MGMT: variants seen among roughly 807,000 people sequenced by gnomAD.
MGMT encodes O-6-methylguanine-DNA methyltransferase, also known as methylated-DNA--protein-cysteine methyltransferase.
In MGMT, 14 loss-of-function variants were observed where a neutral mutation model predicts 15.9. The ratio of observed to expected loss-of-function variants is 0.88; its 90% confidence interval spans 0.58 to 1.37. The LOEUF (loss-of-function observed/expected upper bound fraction) is 1.37, where lower values mean the gene tolerates loss of function less well. Among genes scored for constraint, MGMT ranks in the 40% most tolerant of loss-of-function variants. The probability of loss-of-function intolerance (pLI) is 0.00; values close to 1 mark genes in which losing one functional copy is unlikely to be tolerated. For synonymous variants in MGMT, 130 were observed against 118.2 expected, an observed-to-expected ratio of 1.10 and a Z score of -0.65; for missense variants, 282 against 268.1, an observed-to-expected ratio of 1.05 and a Z score of -0.36.
chr10:129,514,310 A>G (rs1398171962), intron 1 of MGMT, among the ~76,000 whole-genome samples: 1 of 152,240 alleles, frequency 6.6e-6, no homozygotes, highest in African/African-American at 2.4e-5. Context: ...AATAATTCCT[A>G]TTTCCAAGGA....
chr10:129,663,314 TAAC>T (rs1469835763), intron 2 of MGMT, among the ~76,000 whole-genome samples: 1 of 152,158 alleles, frequency 6.6e-6, no homozygotes, highest in Non-Finnish European at 1.5e-5. Flanking sequence ...TGTAAAATAA[TAAC>T]TCTGTGTATC....
At chr10:129,664,837 A>G (rs1847639437) in intron 2 of MGMT, among the ~76,000 whole-genome samples, 1 of 152,228 alleles carries the variant, frequency 6.6e-6, no homozygotes, top group African/African-American at 2.4e-5. Flanking sequence ...GAAGATAAGC[A>G]TATGAAAATA....
At chr10:129,693,564 G>C (rs995004576) in intron 2 of MGMT, among the ~76,000 whole-genome samples, 1 of 152,168 alleles carries the variant, frequency 6.6e-6, no homozygotes. Flanking sequence ...TCTGCTCAGG[G>C]GGAGGCCTGG....
At chr10:129,538,605 G>A (rs759095189) in intron 2 of MGMT, among the ~76,000 whole-genome samples, 16 of 151,874 alleles carry the variant, frequency 1.1e-4, no homozygotes, top group South Asian at 2.1e-4. Flanking sequence ...TGTTTTCTTT[G>A]TGAAATATCT....
At chr10:129,577,260 G>T (rs1314390992) in intron 2 of MGMT, among the ~76,000 whole-genome samples, 2 of 151,958 alleles carry the variant, frequency 1.3e-5, no homozygotes, top group Non-Finnish European at 2.9e-5. Flanking sequence ...AAAGCTGGAG[G>T]CATCACGCTA....
chr10:129,722,296 A>T (rs1455751961), intron 3 of MGMT, among the ~76,000 whole-genome samples: 1 of 152,218 alleles, frequency 6.6e-6, no homozygotes, highest in Non-Finnish European at 1.5e-5. Flanking sequence ...TGTATTTAAC[A>T]TTAGCATTAT....
intron 2 of MGMT, among the ~76,000 whole-genome samples, chr10:129,689,221 G>A (rs751613744): frequency 3.5e-4 from 54 of 152,316 alleles, no homozygotes; most frequent in South Asian, 1.2e-3. Context: ...GTGCCACTGC[G>A]CCCAGCCCAA....
intron 1 of MGMT, among the ~76,000 whole-genome samples, chr10:129,511,906 G>A (rs554728958): frequency 5.4e-4 from 83 of 152,336 alleles, no homozygotes; most frequent in African/African-American, 1.9e-3. Flanking sequence ...AGGGAATGGC[G>A]CTGTCTCGTG....
intron 2 of MGMT, among the ~76,000 whole-genome samples, chr10:129,550,604 G>A (rs1373851138): frequency 2.6e-5 from 4 of 151,948 alleles, no homozygotes; most frequent in African/African-American, 4.8e-5. Context: ...ACGCCACCAC[G>A]CCCAGCTAAT....
At chr10:129,678,024 A>G (rs1847805473) in intron 2 of MGMT, among the ~76,000 whole-genome samples, 1 of 152,198 alleles carries the variant, frequency 6.6e-6, no homozygotes, top group East Asian at 1.9e-4. Flanking sequence ...CCGAGTCCAC[A>G]GTAACTCTGG....
chr10:129,766,891 G>C lies in MGMT; in HGVS notation c.518G>C (p.Gly173Ala). The change falls in exon 5 of 5, where the codon GGC (glycine) becomes GCC (alanine). Residue 173 changes from glycine (G) to alanine (A), a missense_variant. Gly to Ala is a moderately conservative substitution (Grantham distance 60, BLOSUM62 0). Coordinates refer to ENST00000651593, the MANE Select transcript of MGMT (RefSeq NM_002412.5). Reference sequence around the variant, plus strand: ...AAGGAATGGCTTCTGGCCCATGAAGGCCACCGGTTGGGGAAGCCAGGCTTG... The same window carrying C: ...AAGGAATGGCTTCTGGCCCATGAAGCCCACCGGTTGGGGAAGCCAGGCTTG... ...AVKEWLLAHE[G>A]HRLGKPGLGG... The C allele has an allele frequency of 6.2e-7, 1 of 1,613,566 alleles. No individual in the cohort carries two copies. The highest frequency in any genetic ancestry group is 8.5e-7 in the Non-Finnish European group (1 of 1,180,024).
At chr10:129,651,595 A>G (rs1847458998) in intron 2 of MGMT, among the ~76,000 whole-genome samples, 1 of 152,160 alleles carries the variant, frequency 6.6e-6, no homozygotes, top group Non-Finnish European at 1.5e-5. Context: ...CCCCAATGTG[A>G]AAACACCAAG....
chr10:129,752,787 A>G (rs1261477965), intron 3 of MGMT, among the ~76,000 whole-genome samples: 3 of 152,032 alleles, frequency 2.0e-5, no homozygotes, highest in African/African-American at 7.2e-5. Context: ...TAAATTGAAA[A>G]TCTCATTTCA....
intron 2 of MGMT, among the ~76,000 whole-genome samples, chr10:129,567,293 G>C (rs1846367225): frequency 6.6e-6 from 1 of 152,076 alleles, no homozygotes; most frequent in African/African-American, 2.4e-5. Context: ...CAAGAAGAAT[G>C]ACTGCTCCCT....
intron 2 of MGMT, among the ~76,000 whole-genome samples, chr10:129,675,672 A>G (rs1564756989): frequency 6.6e-6 from 1 of 152,088 alleles, no homozygotes; most frequent in African/African-American, 2.4e-5. Flanking sequence ...GAGCTCAGAG[A>G]AGCAGCATGT....
At chr10:129,483,984 A>G (rs768939381) in intron 1 of MGMT, among the ~76,000 whole-genome samples, 1 of 152,260 alleles carries the variant, frequency 6.6e-6, no homozygotes, top group African/African-American at 2.4e-5. Flanking sequence ...CATAGCCTGC[A>G]GGAAATCTTA....
At chr10:129,763,664 C>T (rs553244778) in intron 4 of MGMT, among the ~76,000 whole-genome samples, 7 of 152,332 alleles carry the variant, frequency 4.6e-5, no homozygotes, top group African/African-American at 1.7e-4. Flanking sequence ...GTTTATAAAA[C>T]TAGATTGAAT....
At chr10:129,625,041 A>G (rs562964112) in intron 2 of MGMT, among the ~76,000 whole-genome samples, 31 of 152,350 alleles carry the variant, frequency 2.0e-4, no homozygotes, top group Non-Finnish European at 3.4e-4. Context: ...ATGAAGAAAA[A>G]TGAAATGACA....
At chr10:129,596,560 G>C (rs552677493) in intron 2 of MGMT, among the ~76,000 whole-genome samples, 1 of 152,278 alleles carries the variant, frequency 6.6e-6, no homozygotes, top group African/African-American at 2.4e-5. Flanking sequence ...GCTGCACCTG[G>C]GCGGGGGACA....
Sources: gnomAD v4.1 joint callset for allele counts (sites outside exome capture counted in the v4.1 genomes callset) on GRCh38, gnomAD v4.1.1 for gene constraint, MANE v1.5 for transcripts, NCBI Gene and HGNC (gene_info 2026-07-23, HGNC 2026-07-21) for gene names.